Variants in ST7 observed in about 807,000 individuals in gnomAD.
ST7 encodes suppression of tumorigenicity 7, also known as suppressor of tumorigenicity 7 protein.
ST7 carries 28 observed loss-of-function variants against 78.7 expected under a neutral mutation model. The observed-to-expected ratio is 0.36, with a 90% CI of 0.26 to 0.49. The LOEUF (loss-of-function observed/expected upper bound fraction) is 0.49, where lower values mean the gene tolerates loss of function less well. Among genes scored for constraint, ST7 ranks in the 20% least tolerant of loss-of-function variants. The pLI, the probability that ST7 is intolerant of heterozygous loss-of-function variation, is 0.99. For missense variants in ST7, 418 were observed against 696.0 expected, an observed-to-expected ratio of 0.60 and a Z score of 4.49; for synonymous variants, 247 against 249.6, an observed-to-expected ratio of 0.99 and a Z score of 0.10.
At chr7:117,002,096 T>C (rs1357387413) in intron 1 of ST7, among the ~76,000 whole-genome samples, 1 of 151,858 alleles carries the variant, frequency 6.6e-6, no homozygotes, top group Non-Finnish European at 1.5e-5. Flanking sequence ...GGCATGGTGG[T>C]GCATGCCTAT....
At chr7:117,074,456 A>G (rs1419594890) in intron 1 of ST7, among the ~76,000 whole-genome samples, 1 of 152,130 alleles carries the variant, frequency 6.6e-6, no homozygotes, top group East Asian at 1.9e-4. Flanking sequence ...CCTCATAGAG[A>G]GTGCTTTGGC....
At position 116,960,583 on chromosome 7, in the gene ST7, A is replaced by C. The variant is rs192617855; in HGVS notation, c.151+6892A>C. The stretch of plus-strand genomic sequence containing the variant: ...ATTATTCTGAAAAATTTCCCAACCA[A>C]ATCTTTCTTGTACTACTGTGTCATT... On this transcript the variant is annotated intron_variant, in intron 1 of 15. Transcript: ENST00000323984. Among the ~76,000 whole-genome samples the C allele has an allele frequency of 3.1e-4, 47 of 152,188 alleles. No homozygotes were observed. In the East Asian group the frequency reaches 7.5e-3, roughly 24 times the overall value.
intron 1 of ST7, among the ~76,000 whole-genome samples, chr7:116,991,921 C>A (rs981891375): frequency 3.9e-5 from 6 of 152,038 alleles, no homozygotes; most frequent in Non-Finnish European, 7.4e-5. Flanking sequence ...GTTACAGGGC[C>A]CAACCAAGTC....
chr7:117,205,462 C>T (rs1380886434), intron 12 of ST7, among the ~76,000 whole-genome samples: 3 of 151,320 alleles, frequency 2.0e-5, no homozygotes, highest in Non-Finnish European at 2.9e-5. Context: ...TTGAAAATCC[C>T]GAAAAAATAG....
intron 1 of ST7, among the ~76,000 whole-genome samples, chr7:117,060,417 G>A (rs185531117): frequency 2.9e-4 from 44 of 152,292 alleles, no homozygotes; most frequent in East Asian, 1.7e-3. Flanking sequence ...TCATTGAAGA[G>A]GAACTGGTAT....
chr7:117,127,810 G>A (rs770631725), intron 3 of ST7, among the ~76,000 whole-genome samples: 34 of 151,890 alleles, frequency 2.2e-4, no homozygotes, highest in Non-Finnish European at 2.9e-5. Context: ...AGCATCTTTA[G>A]ATACTGCTCA....
intron 1 of ST7, chr7:116,966,247 C>CTTTTTTTTTTTTTTTTT (rs374887005): frequency 1.7e-5 from 3 of 178,550 alleles, no homozygotes; most frequent in African/African-American, 3.1e-5. Flanking sequence ...TTTTTTCTTT[C>CTTTTTTTTTTTTTTTTT]TTTTTTTTTT....
intron 13 of ST7, among the ~76,000 whole-genome samples, chr7:117,214,062 A>G (rs1241588185): frequency 6.6e-6 from 1 of 152,104 alleles, no homozygotes; most frequent in African/African-American, 2.4e-5. Context: ...TACCTGTATT[A>G]ATACTGATGT....
intron 1 of ST7, among the ~76,000 whole-genome samples, chr7:116,997,701 T>A (rs1486262054): frequency 2.0e-5 from 3 of 152,112 alleles, no homozygotes; most frequent in Admixed American, 6.5e-5. Flanking sequence ...CTGATTGGTG[T>A]GTTTACAAAC....
At chr7:117,229,723 G>T (rs1486339306) in intron 15 of ST7, 39 bp from the exon 16 acceptor site, 2 of 1,548,392 alleles carry the variant, frequency 1.3e-6, no homozygotes, top group South Asian at 2.3e-5. Flanking sequence ...CTTGAACAAG[G>T]TTTCTGCTGA....
rs368618858 is a variant in ST7, at chr7:117,219,090, G to A, written c.1412G>A (p.Arg471Gln). The change falls in exon 14 of 16, where the codon CGG becomes CAG. Residue 471 changes from arginine (R) to glutamine (Q), a missense_variant. Arg to Gln is a conservative substitution (Grantham distance 43). Transcript: ENST00000323984. This position sits in a 1 kb window ranked among gnomAD's most constrained non-coding sequence, Gnocchi z 5.1. ...TATTTTTTCTCGTTTTCAGCTTTTCGGATGATCCCTTATCCCTTGGAAAAG... is the reference window on the plus strand; with the variant it reads ...TATTTTTTCTCGTTTTCAGCTTTTCAGATGATCCCTTATCCCTTGGAAAAG... ...LLHCTWEGTFRMIPYPLEKGH... is the reference protein window; with the variant it reads ...LLHCTWEGTFQMIPYPLEKGH... The A allele has an allele frequency of 4.3e-6, 7 of 1,609,320 alleles. No individual in the cohort carries two copies. Among genetic ancestry groups the A allele is most frequent in the East Asian group, 2.2e-5 (1 of 44,560 alleles).
intron 3 of ST7, among the ~76,000 whole-genome samples, chr7:117,121,484 A>C (rs1803358873): frequency 6.6e-6 from 1 of 152,252 alleles, no homozygotes; most frequent in South Asian, 2.1e-4. Flanking sequence ...TTATGTATAC[A>C]CTAATCCTTG....
rs1554436004 is a variant in ST7 at position 117,097,909 on chromosome 7, T to TATATATATATATATATATATATATA, written c.152-1853_152-1852insATATATATATATATATATATATATA. Among the ~76,000 whole-genome samples, 8 of 15,352 alleles carry TATATATATATATATATATATATATA rather than the reference T, an allele frequency of 5.2e-4. 1 individual carries two copies. The highest frequency in any genetic ancestry group is 7.4e-4 in the Non-Finnish European group (6 of 8,112). The allele number at this position is 15,352 out of a possible 152,430, so 10.1% of individuals were successfully genotyped here. A position where few individuals can be genotyped will look rare whatever the true frequency, so the allele number is the denominator to read the frequency against. On this transcript the variant is annotated intron_variant, in intron 1 of 15. Transcript: ENST00000323984. ...ATATATATATATATATATATATATA[T>TATATATATATATATATATATATATA]TTTTTTTTTTTTTTTTTTTGATGGC...
intron 1 of ST7, among the ~76,000 whole-genome samples, chr7:116,991,977 C>T (rs918638667): frequency 6.6e-6 from 1 of 152,160 alleles, no homozygotes; most frequent in Non-Finnish European, 1.5e-5. Flanking sequence ...AAAATGATCT[C>T]CTTTGACTCC....
intron 1 of ST7, among the ~76,000 whole-genome samples, chr7:117,007,140 G>A (rs1795190241): frequency 1.3e-5 from 2 of 152,160 alleles, no homozygotes; most frequent in African/African-American, 4.8e-5. Flanking sequence ...TAATGACGAA[G>A]GCATGTCAAA....
chr7:117,197,043 C>T (rs1810383998), intron 12 of ST7, among the ~76,000 whole-genome samples: 1 of 151,998 alleles, frequency 6.6e-6, no homozygotes, highest in Non-Finnish European at 1.5e-5. Flanking sequence ...TCTTTCCCAC[C>T]CGCTGACCCA....
chr7:117,182,728 T>C (rs1808874024), intron 10 of ST7: 1 of 152,196 alleles, frequency 6.6e-6, no homozygotes, highest in Non-Finnish European at 1.5e-5. Flanking sequence ...CTGCACGTTT[T>C]CCCTGAGCTC....
chr7:117,165,480 T>C (rs995320018), intron 9 of ST7, among the ~76,000 whole-genome samples: 1 of 152,178 alleles, frequency 6.6e-6, no homozygotes, highest in East Asian at 1.9e-4. Flanking sequence ...TGTAACTCAA[T>C]GGCCTGAAGT....
intron 13 of ST7, among the ~76,000 whole-genome samples, chr7:117,213,876 G>A (rs17139469): frequency 0.046 from 6,942 of 152,196 alleles, 503 homozygotes; most frequent in African/African-American, 0.15. Context: ...CTGTTCTGGC[G>A]ATCCTCACAT....
Sources: gnomAD v4.1 joint callset for allele counts (sites outside exome capture counted in the v4.1 genomes callset) on GRCh38, gnomAD v4.1.1 for gene constraint, Gnocchi (gnomAD v3.1) non-coding constraint, MANE v1.5 for transcripts, NCBI Gene and HGNC (gene_info 2026-07-23, HGNC 2026-07-21) for gene names.